LIPA: variants seen among roughly 807,000 people sequenced by gnomAD.
The protein encoded by LIPA is lysosomal acid lipase/cholesteryl ester hydrolase.
LIPA carries 26 observed loss-of-function variants against 40.6 expected under a neutral mutation model. The ratio of observed to expected loss-of-function variants is 0.64; its 90% confidence interval spans 0.47 to 0.89. The LOEUF is 0.89. Among genes scored for constraint, LIPA ranks in the 40% least tolerant of loss-of-function variants. LIPA has a pLI of 0.00. For missense variants in LIPA, 455 were observed against 479.6 expected, an observed-to-expected ratio of 0.95 and a Z score of 0.48; for synonymous variants, 188 against 168.4, an observed-to-expected ratio of 1.12 and a Z score of -0.90.
intron 1 of LIPA, chr10:89,339,941 G>T: frequency 6.2e-7 from 1 of 1,614,122 alleles, no homozygotes; most frequent in African/African-American, 1.3e-5. Context: ...AAGCAGAATG[G>T]AGATCTGCTG....
chr10:89,389,263 A>T (rs574215154), intron 2 of LIPA, among the ~76,000 whole-genome samples: 1 of 152,350 alleles, frequency 6.6e-6, no homozygotes, highest in East Asian at 1.9e-4. Context: ...AGGAACATGG[A>T]AATGGATTGA....
chr10:89,227,964 G>A (rs569805309), intron 4 of LIPA, among the ~76,000 whole-genome samples: 25 of 152,282 alleles, frequency 1.6e-4, no homozygotes, highest in African/African-American at 4.3e-4. Flanking sequence ...CAGAAATGCC[G>A]AAGTAACTTA....
chr10:89,378,943 A>C (rs1473705309), intron 2 of LIPA, among the ~76,000 whole-genome samples: 1 of 152,268 alleles, frequency 6.6e-6, no homozygotes, highest in East Asian at 1.9e-4. Context: ...ACCAGGGAAC[A>C]GAGGCCTGAG....
chr10:89,390,124 T>C (rs1477650375), intron 2 of LIPA, among the ~76,000 whole-genome samples: 1 of 151,850 alleles, frequency 6.6e-6, no homozygotes, highest in Non-Finnish European at 1.5e-5. Flanking sequence ...GTAGCTGGGA[T>C]TACAGGCATG....
intron 2 of LIPA, chr10:89,392,968 G>A: frequency 1.5e-6 from 1 of 664,224 alleles, no homozygotes; most frequent in East Asian, 3.1e-5. Context: ...CCAAAGAAGG[G>A]GAGGGAAATG....
intron 3 of LIPA, among the ~76,000 whole-genome samples, chr10:89,237,453 CAA>C (rs77561722): frequency 2.9e-5 from 4 of 139,108 alleles, no homozygotes; most frequent in Non-Finnish European, 4.5e-5. Flanking sequence ...TCCATTCTAA[CAA>C]AAAAAAATAT....
intron 2 of LIPA, among the ~76,000 whole-genome samples, chr10:89,353,961 A>G (rs1424737414): frequency 1.3e-5 from 2 of 152,108 alleles, no homozygotes; most frequent in African/African-American, 4.8e-5. Flanking sequence ...AAGAATATAA[A>G]GTGCATTCAA....
intron 8 of LIPA, among the ~76,000 whole-genome samples, chr10:89,220,607 G>A (rs2051422312): frequency 6.6e-6 from 1 of 152,118 alleles, no homozygotes; most frequent in Non-Finnish European, 1.5e-5. Flanking sequence ...CATTCCAGAT[G>A]CCCCTCTTTT....
chr10:89,378,855 T>C (rs1026926395), intron 2 of LIPA, among the ~76,000 whole-genome samples: 1 of 152,176 alleles, frequency 6.6e-6, no homozygotes, highest in Admixed American at 6.5e-5. Flanking sequence ...GAGAAAGCAA[T>C]CTTATTTCCA....
chr10:89,257,280 T>C (rs899095497), intron 1 of LIPA, among the ~76,000 whole-genome samples: 7 of 152,320 alleles, frequency 4.6e-5, no homozygotes, highest in African/African-American at 1.7e-4. Flanking sequence ...GCCAGGACTT[T>C]AATATAAAGG....
intron 2 of LIPA, chr10:89,384,187 G>A (rs1844185787): frequency 6.2e-7 from 1 of 1,614,100 alleles, no homozygotes; most frequent in East Asian, 2.2e-5. Context: ...TCACCAAATG[G>A]GGCTTTGCTA....
At chr10:89,352,931 C>T (rs141875369) in intron 2 of LIPA, among the ~76,000 whole-genome samples, 2 of 152,204 alleles carry the variant, frequency 1.3e-5, no homozygotes, top group East Asian at 3.9e-4. Flanking sequence ...TTGTCTTCAC[C>T]AGTACAGGAC....
chr10:89,222,196 A>C lies in LIPA; in HGVS notation c.894+315T>G, dbSNP rs149886743. Among the ~76,000 whole-genome samples the C allele has an allele frequency of 1.1e-4, 16 of 152,314 alleles. No individual in the cohort carries two copies. In the East Asian group the frequency reaches 3.1e-3, roughly 29 times the overall value. On this transcript the variant is annotated intron_variant, in intron 8 of 9. Transcript: ENST00000336233. ...AATGAGAAGCAGATGGAGGGGAGGA[A>C]ACAGGAGGAGGAAAAGAAAGCTGGG...
At chr10:89,303,917 T>G (rs1321871833) in intron 1 of LIPA, among the ~76,000 whole-genome samples, 1 of 152,128 alleles carries the variant, frequency 6.6e-6, no homozygotes, top group Non-Finnish European at 1.5e-5. Flanking sequence ...CTCACCATAT[T>G]CTGTAATGAA....
At chr10:89,242,337 C>T (rs958407162) in intron 3 of LIPA, among the ~76,000 whole-genome samples, 1 of 152,204 alleles carries the variant, frequency 6.6e-6, no homozygotes, top group Admixed American at 6.5e-5. Context: ...ACCAGCTGGA[C>T]AGAATATTTA....
chr10:89,306,765 T>C (rs1330692316), intron 1 of LIPA: 1 of 1,614,138 alleles, frequency 6.2e-7, no homozygotes, highest in Non-Finnish European at 8.5e-7. Flanking sequence ...ATTGAACTGC[T>C]TAAAAAGGCT....
chr10:89,307,406 T>G (rs962836100), intron 1 of LIPA: 6 of 1,522,004 alleles, frequency 3.9e-6, no homozygotes, highest in Non-Finnish European at 3.6e-6. Context: ...ACTAGGCTAC[T>G]GCTGAAAGGG....
chr10:89,246,652 T>C (rs542581114), intron 2 of LIPA, among the ~76,000 whole-genome samples: 1 of 152,354 alleles, frequency 6.6e-6, no homozygotes, highest in South Asian at 2.1e-4. Flanking sequence ...TTAAAGTTGC[T>C]GTTTTCTTTA....
intron 2 of LIPA, among the ~76,000 whole-genome samples, chr10:89,351,434 C>G (rs1329016192): frequency 6.6e-6 from 1 of 152,140 alleles, no homozygotes; most frequent in Non-Finnish European, 1.5e-5. Context: ...TCCAGAAAAG[C>G]CCAAAAAGTA....
Sources: gnomAD v4.1 joint callset for allele counts (sites outside exome capture counted in the v4.1 genomes callset) on GRCh38, gnomAD v4.1.1 for gene constraint, MANE v1.5 for transcripts, NCBI Gene and HGNC (gene_info 2026-07-23, HGNC 2026-07-21) for gene names.